The following RAB9B variants were observed in gnomAD, a reference collection of about 807,000 sequenced individuals.
The protein encoded by RAB9B is ras-related protein Rab-9B.
In RAB9B, 1 loss-of-function variant was observed where a neutral mutation model predicts 8.9. The ratio of observed to expected loss-of-function variants is 0.11; its 90% CI spans 0.04 to 0.53. The LOEUF (loss-of-function observed/expected upper bound fraction) is 0.53, where lower values mean the gene tolerates loss of function less well. RAB9B is among the 20% of genes least tolerant of loss of function. The pLI is 0.93. For missense variants in RAB9B, 82 were observed against 152.9 expected (o/e 0.54, Z 2.45); for synonymous variants, 63 against 57.0 (o/e 1.10, Z -0.47).
At chrX:103,816,331 A>G in the RAB9B span, among the ~76,000 whole-genome samples, 2 of 112,111 alleles carry the variant, frequency 1.8e-5, no homozygotes, top group African/African-American at 6.5e-5. Context: ...GAAATGGGGA[A>G]AGGATTCCCT....
chrX:103,810,269 G>A, the RAB9B span, among the ~76,000 whole-genome samples: 882 of 111,439 alleles, frequency 7.9e-3, 6 homozygotes, highest in African/African-American at 0.027. Context: ...TTCCCAGGCA[G>A]GGCATTTCCA....
the RAB9B span, among the ~76,000 whole-genome samples, chrX:103,815,164 C>G: frequency 8.9e-6 from 1 of 112,155 alleles, no homozygotes; most frequent in Non-Finnish European, 1.9e-5. Context: ...GCCAGTATCC[C>G]TGATGAACAT....
the RAB9B span, among the ~76,000 whole-genome samples, chrX:103,788,258 C>T: frequency 8.9e-6 from 1 of 111,974 alleles, no homozygotes. Flanking sequence ...GGTTTCACCA[C>T]TGTTCAATAC....
chrX:103,807,565 C>A, the RAB9B span, among the ~76,000 whole-genome samples: 1 of 112,201 alleles, frequency 8.9e-6, no homozygotes, highest in Non-Finnish European at 1.9e-5. Flanking sequence ...GAAAGAATAA[C>A]ATTCCCTGGG....
At chrX:103,803,816 T>C in the RAB9B span, among the ~76,000 whole-genome samples, 4,693 of 112,184 alleles carry the variant, frequency 0.042, 191 homozygotes, top group African/African-American at 0.11. Flanking sequence ...CATCTCGTGA[T>C]CCACCCGCCT....
At chrX:103,781,253 T>G in the RAB9B span, 1 of 313,783 alleles carries the variant, frequency 3.2e-6, no homozygotes, top group South Asian at 2.8e-5. Context: ...TCTTGGTGCC[T>G]GCTTAAAGAG....
chrX:103,829,841 A>G (rs1378271309), intron 1 of RAB9B, among the ~76,000 whole-genome samples: 7 of 111,871 alleles, frequency 6.3e-5, no homozygotes, highest in African/African-American at 2.3e-4. Flanking sequence ...ACATCTTTGA[A>G]GCCCCTTCAG....
At chrX:103,816,190 A>T in the RAB9B span, among the ~76,000 whole-genome samples, 1 of 111,319 alleles carries the variant, frequency 9.0e-6, no homozygotes, top group Non-Finnish European at 1.9e-5. Flanking sequence ...TTACTACAAG[A>T]CTACAGTAAC....
At chrX:103,795,143 G>T in the RAB9B span, among the ~76,000 whole-genome samples, 1 of 111,134 alleles carries the variant, frequency 9.0e-6, no homozygotes, top group Non-Finnish European at 1.9e-5. Flanking sequence ...AAAGGGGTAG[G>T]CAGGGAGACA....
rs2074677115 is a variant in RAB9B, at chrX:103,824,862, G to A, written c.*317C>T. 6.9e-6 allele frequency: 1 copy of A among 144,041 alleles called. No homozygotes were observed. The highest frequency in any genetic ancestry group is 1.3e-5 in the Non-Finnish European group (1 of 74,098). The allele number at this position is 144,041 out of a possible 1,213,427, so 11.9% of individuals were successfully genotyped here. A position where few individuals can be genotyped will look rare whatever the true frequency, so the allele number is the denominator to read the frequency against. ...AGCTCTTTAACTCCTTCATGCAGCT[G>A]GGTTCTAGGTTTAAACTGTGATTTA... On this transcript the variant is annotated 3_prime_UTR_variant, in exon 3 of 3. Transcript: ENST00000243298.
the RAB9B span, among the ~76,000 whole-genome samples, chrX:103,797,945 C>G: frequency 9.0e-6 from 1 of 110,996 alleles, no homozygotes; most frequent in Non-Finnish European, 1.9e-5. Context: ...ATGTTGGAGC[C>G]CACATCCCCC....
At chrX:103,812,246 C>T in the RAB9B span, among the ~76,000 whole-genome samples, 2 of 111,513 alleles carry the variant, frequency 1.8e-5, no homozygotes, top group East Asian at 5.6e-4. Flanking sequence ...AAAGACTCCA[C>T]CACCAAATAC....
chrX:103,813,745 CAAAAAAAAAA>C, the RAB9B span, among the ~76,000 whole-genome samples: 1 of 8,542 alleles, frequency 1.2e-4, no homozygotes, highest in Non-Finnish European at 1.9e-4. Context: ...AAATGGAAAG[CAAAAAAAAAA>C]AAAAAAAAAA....
At chrX:103,809,928 C>T in the RAB9B span, among the ~76,000 whole-genome samples, 1 of 110,876 alleles carries the variant, frequency 9.0e-6, no homozygotes, top group Non-Finnish European at 1.9e-5. Context: ...CTGTACCTGG[C>T]TTAATTAAAA....
At chrX:103,784,820 C>T in the RAB9B span, among the ~76,000 whole-genome samples, 86 of 112,018 alleles carry the variant, frequency 7.7e-4, no homozygotes, top group African/African-American at 2.7e-3. Context: ...TAAAGACTCC[C>T]ATATGGCAGA....
the RAB9B span, among the ~76,000 whole-genome samples, chrX:103,778,811 A>G: frequency 8.9e-4 from 100 of 112,275 alleles, no homozygotes; most frequent in African/African-American, 3.0e-3. Flanking sequence ...AAGGTACTGG[A>G]CTGCCACTAC....
At chrX:103,778,089 G>C in the RAB9B span, among the ~76,000 whole-genome samples, 1 of 111,660 alleles carries the variant, frequency 9.0e-6, no homozygotes, top group African/African-American at 3.3e-5. Flanking sequence ...ACAGGGAGTC[G>C]GAAAAATCAG....
At chrX:103,820,018 CT>C (rs2074653533), downstream of RAB9B, among the ~76,000 whole-genome samples, 1 of 111,611 alleles carries the variant, frequency 9.0e-6, no homozygotes, top group Non-Finnish European at 1.9e-5. Flanking sequence ...GATTAGTGTC[CT>C]TATAAAAGAG....
the RAB9B span, chrX:103,785,593 T>G: frequency 2.5e-6 from 3 of 1,209,203 alleles, no homozygotes; most frequent in Middle Eastern, 2.3e-4. Context: ...CTTGTTAGAG[T>G]GCTGTGCAAG....
Sources: gnomAD v4.1 joint callset for allele counts (sites outside exome capture counted in the v4.1 genomes callset) on GRCh38, gnomAD v4.1.1 for gene constraint, MANE v1.5 for transcripts, NCBI Gene and HGNC (gene_info 2026-07-23, HGNC 2026-07-21) for gene names.